The following THSD7B variants were observed in gnomAD, a reference collection of about 807,000 sequenced individuals.
The protein encoded by THSD7B is thrombospondin type 1 domain containing 7B, also known as thrombospondin type-1 domain-containing protein 7B.
In THSD7B, 138 loss-of-function variants were observed where a neutral mutation model predicts 213.6. The observed-to-expected ratio is 0.65, with a 90% CI of 0.56 to 0.74. The LOEUF (loss-of-function observed/expected upper bound fraction) is 0.74. THSD7B is among the 30% of genes least tolerant of loss of function. THSD7B has a pLI of 0.00. For synonymous variants in THSD7B, 742 were observed against 687.0 expected (o/e 1.08, Z -1.25); for missense variants, 1,931 against 1,991.5 (o/e 0.97, Z 0.58).
chr2:136,893,298 A>G (rs534959294), intron 2 of THSD7B, among the ~76,000 whole-genome samples: 2 of 152,310 alleles, frequency 1.3e-5, no homozygotes, highest in Non-Finnish European at 2.9e-5. Context: ...GATGATTGGG[A>G]GTTGAATTGA....
chr2:137,257,151 C>T (rs2105078761), intron 10 of THSD7B, among the ~76,000 whole-genome samples: 1 of 152,286 alleles, frequency 6.6e-6, no homozygotes, highest in South Asian at 2.1e-4. Flanking sequence ...CTCACTTCTG[C>T]CACATAGGGG....
At chr2:137,143,919 C>A (rs1020068347) in intron 5 of THSD7B, among the ~76,000 whole-genome samples, 3 of 151,812 alleles carry the variant, frequency 2.0e-5, no homozygotes, top group African/African-American at 7.3e-5. Flanking sequence ...GATGTACTGC[C>A]TGGTGGTTTT....
intron 2 of THSD7B, among the ~76,000 whole-genome samples, chr2:137,046,823 T>C (rs1028394122): frequency 1.4e-5 from 2 of 144,956 alleles, no homozygotes; most frequent in Non-Finnish European, 3.0e-5. Context: ...AACCGAAAGG[T>C]GGCCAGTGTG....
chr2:137,137,210 T>C (rs960822900), intron 5 of THSD7B, among the ~76,000 whole-genome samples: 2 of 152,176 alleles, frequency 1.3e-5, no homozygotes, highest in Non-Finnish European at 2.9e-5. Context: ...TTTTGCTGGG[T>C]GCCTTTCAAG....
intron 5 of THSD7B, among the ~76,000 whole-genome samples, chr2:137,126,358 T>C (rs982622415): frequency 1.3e-5 from 2 of 152,190 alleles, no homozygotes; most frequent in Non-Finnish European, 2.9e-5. Flanking sequence ...GCTTCTACAT[T>C]AGCACTTGCT....
chr2:137,131,514 T>G (rs1392738808), intron 5 of THSD7B, among the ~76,000 whole-genome samples: 1 of 152,216 alleles, frequency 6.6e-6, no homozygotes, highest in Non-Finnish European at 1.5e-5. Flanking sequence ...TGGTTTTAGG[T>G]CTAACAGGTA....
intron 7 of THSD7B, among the ~76,000 whole-genome samples, chr2:137,185,413 C>A (rs1680532676): frequency 6.6e-6 from 1 of 152,038 alleles, no homozygotes; most frequent in Admixed American, 6.6e-5. Context: ...CCCTTTTATA[C>A]TCTCCAGTAT....
At chr2:137,588,700 G>A (rs1052947955) in intron 17 of THSD7B, among the ~76,000 whole-genome samples, 1 of 151,866 alleles carries the variant, frequency 6.6e-6, no homozygotes. Flanking sequence ...ATAATAATGT[G>A]TATGTGTATC....
chr2:137,126,913 A>C (rs1182532461), intron 5 of THSD7B, among the ~76,000 whole-genome samples: 1 of 152,090 alleles, frequency 6.6e-6, no homozygotes, highest in Non-Finnish European at 1.5e-5. Context: ...AGAGAGAGAG[A>C]TGGGGGAATG....
chr2:137,013,956 A>G (rs1303356921), intron 2 of THSD7B, among the ~76,000 whole-genome samples: 1 of 152,222 alleles, frequency 6.6e-6, no homozygotes, highest in East Asian at 1.9e-4. Context: ...GTTGGCAGAT[A>G]TAAAACAGGT....
intron 1 of THSD7B, among the ~76,000 whole-genome samples, chr2:136,825,451 T>G (rs1032126943): frequency 6.6e-6 from 1 of 152,180 alleles, no homozygotes; most frequent in Admixed American, 6.5e-5. Flanking sequence ...CCTTGGCTTA[T>G]GGTCCCTTCC....
At chr2:137,079,094 A>G (rs1427056061) in intron 3 of THSD7B, among the ~76,000 whole-genome samples, 2 of 152,138 alleles carry the variant, frequency 1.3e-5, no homozygotes, top group Non-Finnish European at 2.9e-5. Flanking sequence ...TGAGATAGGA[A>G]GATGACTTGA....
intron 12 of THSD7B, among the ~76,000 whole-genome samples, chr2:137,276,816 G>C (rs888050769): frequency 6.6e-6 from 1 of 151,984 alleles, no homozygotes; most frequent in Non-Finnish European, 1.5e-5. Flanking sequence ...TCTTTTAGAA[G>C]GCATATTTAG....
At chr2:137,141,046 T>C (rs578159287) in intron 5 of THSD7B, among the ~76,000 whole-genome samples, 55 of 152,234 alleles carry the variant, frequency 3.6e-4, no homozygotes, top group Middle Eastern at 6.8e-3. Context: ...TGCAAAGCCA[T>C]AGGGCAAGAG....
intron 3 of THSD7B, among the ~76,000 whole-genome samples, chr2:137,079,335 G>C (rs894166210): frequency 6.6e-6 from 1 of 151,862 alleles, no homozygotes; most frequent in Non-Finnish European, 1.5e-5. Context: ...AAGTTATACT[G>C]TTATTAGTAT....
chr2:137,529,853 C>T (rs1680364057), intron 15 of THSD7B, among the ~76,000 whole-genome samples: 1 of 151,758 alleles, frequency 6.6e-6, no homozygotes, highest in Non-Finnish European at 1.5e-5. Context: ...AGAGAAGTGT[C>T]CTCCCATGTA....
intron 25 of THSD7B, among the ~76,000 whole-genome samples, chr2:137,661,882 T>C (rs578251178): frequency 5.9e-5 from 9 of 152,170 alleles, no homozygotes; most frequent in African/African-American, 1.9e-4. Context: ...TTTACTGAAG[T>C]TGTACACATG....
intron 2 of THSD7B, among the ~76,000 whole-genome samples, chr2:137,001,915 C>T (rs562272557): frequency 2.0e-5 from 3 of 151,874 alleles, no homozygotes; most frequent in Non-Finnish European, 4.4e-5. Context: ...TATAAAAATA[C>T]TTTTGCTTAC....
intron 15 of THSD7B, among the ~76,000 whole-genome samples, chr2:137,526,453 G>A (rs561477821): frequency 1.1e-4 from 17 of 152,014 alleles, no homozygotes; most frequent in Admixed American, 5.9e-4. Context: ...AGAGAATCTC[G>A]CTCTGTCACC....
Sources: gnomAD v4.1 joint callset for allele counts (sites outside exome capture counted in the v4.1 genomes callset) on GRCh38, gnomAD v4.1.1 for gene constraint, MANE v1.5 for transcripts, NCBI Gene and HGNC (gene_info 2026-07-23, HGNC 2026-07-21) for gene names.